The following ATP10B variants were observed in gnomAD, a reference collection of about 807,000 sequenced individuals.
ATP10B encodes phospholipid-transporting ATPase VB.
A neutral mutation model predicts 141.2 loss-of-function variants in ATP10B; 122 were observed. The ratio of observed to expected loss-of-function variants is 0.86; its 90% CI spans 0.75 to 1.00. The LOEUF is 1.00. ATP10B is among the 50% of genes least tolerant of loss of function. The pLI is 0.00. For missense variants in ATP10B, 1,876 were observed against 1,825.3 expected (o/e 1.03, Z -0.51); for synonymous variants, 685 against 692.0 (o/e 0.99, Z 0.16).
chr5:160,598,025 C>A (rs1756834727), intron 22 of ATP10B, among the ~76,000 whole-genome samples: 1 of 63,728 alleles, frequency 1.6e-5, no homozygotes, highest in Non-Finnish European at 4.2e-5. Flanking sequence ...ACCATTTGAC[C>A]CAGCCATCCT....
chr5:160,598,678 A>G (rs1383027261), intron 22 of ATP10B, 92 bp downstream of exon 22: 1 of 1,168,638 alleles, frequency 8.6e-7, no homozygotes, highest in South Asian at 1.4e-5. Flanking sequence ...TTCTGACCCC[A>G]GCATACAGCT....
chr5:160,731,278 A>T (rs561824071), intron 2 of ATP10B, among the ~76,000 whole-genome samples: 17 of 152,332 alleles, frequency 1.1e-4, no homozygotes, highest in African/African-American at 4.1e-4. Flanking sequence ...CAGAGCTACC[A>T]TGTGGTCCTG....
At chr5:160,874,622 G>A in the ATP10B span, among the ~76,000 whole-genome samples, 1 of 152,122 alleles carries the variant, frequency 6.6e-6, no homozygotes, top group Non-Finnish European at 1.5e-5. Flanking sequence ...AGGCAAAGAA[G>A]TTGAAAACTT....
chr5:160,811,498 G>A (rs961982642), intron 1 of ATP10B, among the ~76,000 whole-genome samples: 14 of 151,852 alleles, frequency 9.2e-5, no homozygotes, highest in African/African-American at 3.4e-4. Context: ...ACAAGCTGCT[G>A]AAGAGCCCTT....
chr5:160,648,360 G>C (rs1319909981), intron 8 of ATP10B, among the ~76,000 whole-genome samples: 3 of 152,140 alleles, frequency 2.0e-5, no homozygotes, highest in African/African-American at 7.2e-5. Context: ...GCTATTGTTA[G>C]GGTTAGTGTA....
rs1581230665 is a variant in ATP10B, at chr5:160,632,202, T to C, written c.1547A>G (p.Gln516Arg). The change falls in exon 13 of 26, where the codon CAG (glutamine) becomes CGG (arginine). Residue 516 changes from glutamine (Q) to arginine (R), a missense_variant. Physicochemically the swap from Gln to Arg is conservative, Grantham distance 43. Coordinates refer to ENST00000327245, the MANE Select transcript of ATP10B (RefSeq NM_025153.3). ...CATAGACCTTTGCCGGTAGTGGCCC[T>C]GGATGGGCACCCGGGCACTCTGGCT... Reference protein sequence around the residue: ...RRSQSARVPIQGHYRQRSMGH... With the variant: ...RRSQSARVPIRGHYRQRSMGH... 1 of 1,614,214 alleles carries C rather than the reference T, an allele frequency of 6.2e-7. No individual in the cohort carries two copies. The highest frequency in any genetic ancestry group is 8.5e-7 in the Non-Finnish European group (1 of 1,180,024).
At chr5:160,581,480 G>A (rs1755549516) in intron 24 of ATP10B, among the ~76,000 whole-genome samples, 2 of 152,176 alleles carry the variant, frequency 1.3e-5, no homozygotes, top group Admixed American at 1.3e-4. Flanking sequence ...TCTTAATGCC[G>A]AGTTCTAATT....
chr5:160,573,502 G>A (rs1259559891), intron 24 of ATP10B, among the ~76,000 whole-genome samples: 2 of 152,216 alleles, frequency 1.3e-5, no homozygotes, highest in Non-Finnish European at 2.9e-5. Context: ...TAGCCCATTA[G>A]GAACTGGGCT....
At chr5:160,636,698 C>T (rs1036265427) in intron 10 of ATP10B, among the ~76,000 whole-genome samples, 8 of 151,992 alleles carry the variant, frequency 5.3e-5, no homozygotes, top group Admixed American at 1.3e-4. Flanking sequence ...CCTAGTCTTC[C>T]CCTTCTTATC....
Position 160,620,348 on chromosome 5 carries a change from G to T in ATP10B, c.2415C>A (p.Cys805Ter), listed in dbSNP as rs760382640. 3.7e-6 allele frequency: 6 copies of T among 1,605,638 alleles called. No individual in the cohort carries two copies. Among genetic ancestry groups the T allele is most frequent in the Admixed American group, 1.7e-5 (1 of 59,584 alleles). ...GAACCCTGGTAAGGCAGGACTCACC[G>T]CAGGCTGGGTCTTCCAGCAGGTCCA... ...VIMDLLEDPACVPDINMEKKL... is the reference protein window; with the variant it reads ...VIMDLLEDPA The change falls in exon 15 of 26, where the codon TGC becomes TGA. Residue 805 changes from cysteine (C) to a stop codon, truncating the protein, a stop_gained and splice_region_variant. Transcript: ENST00000327245. LOFTEE classifies it high-confidence loss of function.
chr5:160,813,269 C>T (rs576490077), intron 1 of ATP10B, among the ~76,000 whole-genome samples: 5 of 152,342 alleles, frequency 3.3e-5, no homozygotes, highest in East Asian at 1.9e-4. Flanking sequence ...CCTGGAAAAT[C>T]GGGTCACTCC....
chr5:160,733,225 G>A (rs1464959864), intron 2 of ATP10B, among the ~76,000 whole-genome samples: 1 of 152,100 alleles, frequency 6.6e-6, no homozygotes, highest in African/African-American at 2.4e-5. Flanking sequence ...TTGCAAATGA[G>A]ATTGCTTTCT....
chr5:160,849,583 C>T (rs1203803574), intron 1 of ATP10B, among the ~76,000 whole-genome samples: 2 of 149,756 alleles, frequency 1.3e-5, no homozygotes, highest in East Asian at 2.0e-4. Flanking sequence ...TATTAAGTGC[C>T]TTCTGTGGGC....
chr5:160,658,309 G>T (rs1278546767), intron 7 of ATP10B, among the ~76,000 whole-genome samples: 1 of 152,220 alleles, frequency 6.6e-6, no homozygotes, highest in Non-Finnish European at 1.5e-5. Flanking sequence ...ACCGGTCAGA[G>T]TGTTGCCTAG....
chr5:160,746,743 A>G (rs1267845441), intron 2 of ATP10B, among the ~76,000 whole-genome samples: 4 of 152,190 alleles, frequency 2.6e-5, no homozygotes, highest in Admixed American at 1.3e-4. Context: ...ATGTAAGCAT[A>G]TTAGTGTGGG....
the ATP10B span, among the ~76,000 whole-genome samples, chr5:160,913,894 T>C: frequency 6.6e-6 from 1 of 152,224 alleles, no homozygotes; most frequent in Non-Finnish European, 1.5e-5. Flanking sequence ...CTTAAATAAA[T>C]GTGTATCTTG....
At chr5:160,858,051 T>A in the ATP10B span, among the ~76,000 whole-genome samples, 1 of 151,988 alleles carries the variant, frequency 6.6e-6, no homozygotes. Flanking sequence ...ATATTCGATT[T>A]TTTATTTTTT....
chr5:160,905,251 CTT>C, the ATP10B span, among the ~76,000 whole-genome samples: 1 of 152,186 alleles, frequency 6.6e-6, no homozygotes, highest in Non-Finnish European at 1.5e-5. Flanking sequence ...GTGTATGCAA[CTT>C]TTCCTAGTAG....
intron 8 of ATP10B, among the ~76,000 whole-genome samples, chr5:160,648,651 A>C (rs1760467557): frequency 1.3e-5 from 2 of 152,200 alleles, no homozygotes; most frequent in African/African-American, 4.8e-5. Context: ...GGCTTTGTGT[A>C]TGCTGACAAT....
Sources: allele counts gnomAD v4.1 joint callset (sites outside exome capture counted in the v4.1 genomes callset), GRCh38; gene constraint gnomAD v4.1.1; transcripts MANE v1.5; gene names NCBI Gene and HGNC (gene_info 2026-07-23, HGNC 2026-07-21).